Variants in PPHLN1 observed in about 807,000 individuals in gnomAD.
PPHLN1 encodes periphilin-1.
Under a neutral mutation model 51.3 loss-of-function variants are expected in PPHLN1, and 29 were observed. That is an observed-to-expected ratio of 0.57 (90% CI 0.42 to 0.77). The LOEUF is 0.77. Ranked by LOEUF, PPHLN1 falls within the 30% of genes least tolerant of loss-of-function variation. The probability of loss-of-function intolerance (pLI) is 0.00; values close to 1 mark genes in which losing one functional copy is unlikely to be tolerated. For synonymous variants in PPHLN1, 147 were observed against 147.8 expected (o/e 0.99, Z 0.04); for missense variants, 436 against 438.4 (o/e 0.99, Z 0.05).
downstream of PPHLN1, chr12:42,446,484 A>G: frequency 7.0e-7 from 1 of 1,429,688 alleles, no homozygotes; most frequent in East Asian, 2.5e-5. Flanking sequence ...GGATATGCAA[A>G]AAAAAATCTC....
chr12:42,418,630 T>G (rs566302495), intron 9 of PPHLN1, among the ~76,000 whole-genome samples: 27 of 152,022 alleles, frequency 1.8e-4, no homozygotes, highest in African/African-American at 6.0e-4. Flanking sequence ...TGATTATGAC[T>G]TCTACTAAGC....
chr12:42,377,529 C>T (rs1425422057), intron 5 of PPHLN1, among the ~76,000 whole-genome samples: 2 of 152,174 alleles, frequency 1.3e-5, no homozygotes, highest in East Asian at 1.9e-4. Context: ...GTCTCGAGCT[C>T]CTGACTTCAA....
intron 1 of PPHLN1, among the ~76,000 whole-genome samples, chr12:42,334,058 T>C (rs2070220405): frequency 6.6e-6 from 1 of 152,216 alleles, no homozygotes; most frequent in South Asian, 2.1e-4. Flanking sequence ...TTACTATTTC[T>C]CTGTACTGTA....
At chr12:42,332,710 T>G (rs1180363706) in intron 1 of PPHLN1, 2 of 1,445,522 alleles carry the variant, frequency 1.4e-6, no homozygotes, top group Non-Finnish European at 1.9e-6. Flanking sequence ...CAAGTAAGTA[T>G]AGTATAGTAG....
chr12:42,350,957 A>C (rs1031896417), intron 2 of PPHLN1, among the ~76,000 whole-genome samples: 5 of 150,074 alleles, frequency 3.3e-5, no homozygotes, highest in African/African-American at 1.3e-4. Flanking sequence ...CCTGGAAAGC[A>C]GGAGACGGAG....
At chr12:42,329,257 G>T (rs942902941) in intron 1 of PPHLN1, among the ~76,000 whole-genome samples, 1 of 151,478 alleles carries the variant, frequency 6.6e-6, no homozygotes, top group Non-Finnish European at 1.5e-5. Context: ...GCCCACCACC[G>T]CCCCCGGCTA....
At chr12:42,419,476 C>T (rs2080788295) in intron 9 of PPHLN1, among the ~76,000 whole-genome samples, 5 of 152,248 alleles carry the variant, frequency 3.3e-5, no homozygotes, top group South Asian at 2.1e-4. Context: ...TCAGGTGATC[C>T]GCCTGCCTCA....
intron 9 of PPHLN1, among the ~76,000 whole-genome samples, chr12:42,414,948 A>T (rs1304184238): frequency 6.6e-6 from 1 of 151,960 alleles, no homozygotes; most frequent in Non-Finnish European, 1.5e-5. Context: ...TGTAACTGAT[A>T]ATTTTAATAT....
chr12:42,379,855 C>T (rs1164704353), intron 5 of PPHLN1, among the ~76,000 whole-genome samples: 1 of 151,988 alleles, frequency 6.6e-6, no homozygotes, highest in Non-Finnish European at 1.5e-5. Flanking sequence ...ATTAAGTATG[C>T]TGGATGTGTT....
intron 5 of PPHLN1, among the ~76,000 whole-genome samples, chr12:42,382,046 G>A (rs754102469): frequency 1.3e-5 from 2 of 152,052 alleles, no homozygotes; most frequent in Non-Finnish European, 2.9e-5. Context: ...GGTTATCAGT[G>A]ATGAATAGCA....
chr12:42,409,807 A>C (rs557075716), intron 9 of PPHLN1, among the ~76,000 whole-genome samples: 1 of 151,958 alleles, frequency 6.6e-6, no homozygotes, highest in East Asian at 1.9e-4. Flanking sequence ...ACGATTATTT[A>C]TCTATTATGT....
intron 2 of PPHLN1, among the ~76,000 whole-genome samples, chr12:42,337,134 A>G (rs940422362): frequency 6.6e-6 from 1 of 151,910 alleles, no homozygotes; most frequent in African/African-American, 2.4e-5. Context: ...TATATTTTTT[A>G]CTTGATAAGG....
intron 1 of PPHLN1, among the ~76,000 whole-genome samples, chr12:42,330,704 TTTTG>T (rs1205077188): frequency 2.0e-5 from 3 of 152,112 alleles, no homozygotes; most frequent in East Asian, 1.9e-4. Flanking sequence ...ACAGATCTTT[TTTTG>T]TTTGTTTGTT....
At chr12:42,387,378 A>T (rs1167090228) in intron 6 of PPHLN1, 78 bp from the exon 7 acceptor site, 40 of 1,476,362 alleles carry the variant, frequency 2.7e-5, no homozygotes, top group Non-Finnish European at 3.5e-5. Flanking sequence ...TGACCCCCAC[A>T]TTAATTCCAT....
At chr12:42,338,043 CAA>C (rs2070953054) in intron 2 of PPHLN1, among the ~76,000 whole-genome samples, 1 of 152,114 alleles carries the variant, frequency 6.6e-6, no homozygotes, top group Non-Finnish European at 1.5e-5. Context: ...CTCAGCCTCC[CAA>C]AGTGCTGGGA....
At chr12:42,448,390 T>C (rs1487398148), downstream of PPHLN1, 1 of 150,974 alleles carries the variant, frequency 6.6e-6, no homozygotes, top group East Asian at 2.0e-4. Flanking sequence ...TCTTAAAGTC[T>C]AATTTTAGGA....
At chr12:42,432,174 C>CA in intron 9 of PPHLN1, 2 of 866,072 alleles carry the variant, frequency 2.3e-6, no homozygotes, top group Admixed American at 3.4e-5. Context: ...AATGACCAAT[C>CA]ACTCAGCTTG....
intron 3 of PPHLN1, 101 bp from the exon 4 acceptor site, chr12:42,355,060 G>A: frequency 9.3e-6 from 10 of 1,079,612 alleles, no homozygotes; most frequent in Middle Eastern, 2.8e-4. Flanking sequence ...TGCCTTTGAA[G>A]TTTAGGGAAA....
In PPHLN1 at chr12:42,384,933, T is replaced by A; in HGVS notation, c.512-7T>A. 1 of 1,605,010 alleles carries A rather than the reference T, an allele frequency of 6.2e-7. No individual in the cohort carries two copies. Among genetic ancestry groups the A allele is most frequent in the Non-Finnish European group, 8.5e-7 (1 of 1,171,716 alleles). ...CTGTTAATTCCTCCCTGCCCACCTT[T>A]CCATAGAGTCCGTGCGTCCTGGTGC... On this transcript the variant is annotated splice_polypyrimidine_tract_variant and splice_region_variant and intron_variant, in intron 5 of 9. Coordinates refer to ENST00000358314, the MANE Select transcript of PPHLN1 (RefSeq NM_201439.2).
Sources: allele counts gnomAD v4.1 joint callset (sites outside exome capture counted in the v4.1 genomes callset), GRCh38; gene constraint gnomAD v4.1.1; transcripts MANE v1.5; gene names NCBI Gene and HGNC (gene_info 2026-07-23, HGNC 2026-07-21).